ANXA4: variants seen among roughly 807,000 people sequenced by gnomAD.
ANXA4 encodes annexin A4, also known as 35-beta calcimedin.
In ANXA4, 39 loss-of-function variants were observed where a neutral mutation model predicts 49.8. That is an observed-to-expected ratio of 0.78 (90% CI 0.61 to 1.02). ANXA4 has a LOEUF of 1.02. ANXA4 is among the 50% of genes least tolerant of loss of function. ANXA4 has a pLI of 0.00. For missense variants in ANXA4, 360 were observed against 410.1 expected (o/e 0.88, Z 1.05); for synonymous variants, 134 against 152.5 (o/e 0.88, Z 0.89).
intron 2 of ANXA4, among the ~76,000 whole-genome samples, chr2:69,701,527 T>C (rs747727435): frequency 5.3e-5 from 8 of 152,266 alleles, no homozygotes; most frequent in Non-Finnish European, 8.8e-5. Flanking sequence ...TGTTACAGCA[T>C]GTATCAGAAA....
chr2:69,788,401 G>A (rs537357076), intron 3 of ANXA4, among the ~76,000 whole-genome samples: 15 of 152,268 alleles, frequency 9.9e-5, no homozygotes, highest in Admixed American at 3.9e-4. Context: ...TTAGCCAAGC[G>A]TGGTGGCACA....
At chr2:69,807,354 C>T (rs376662960) in intron 5 of ANXA4, among the ~76,000 whole-genome samples, 10 of 152,240 alleles carry the variant, frequency 6.6e-5, no homozygotes, top group African/African-American at 2.2e-4. Context: ...CCCTAGATGA[C>T]GTACCCACTG....
At chr2:69,793,267 T>G (rs574168835) in intron 3 of ANXA4, among the ~76,000 whole-genome samples, 3 of 117,926 alleles carry the variant, frequency 2.5e-5, no homozygotes, top group South Asian at 2.6e-4. Context: ...AAAAAAGCAG[T>G]TTACAACCTT....
chr2:69,731,808 T>C (rs1320917926), intron 3 of ANXA4, among the ~76,000 whole-genome samples: 1 of 152,102 alleles, frequency 6.6e-6, no homozygotes, highest in Admixed American at 6.5e-5. Context: ...ATGATGCAAA[T>C]GATGAACCTC....
At chr2:69,729,106 C>G (rs1332117210) in intron 3 of ANXA4, among the ~76,000 whole-genome samples, 1 of 152,216 alleles carries the variant, frequency 6.6e-6, no homozygotes, top group African/African-American at 2.4e-5. Flanking sequence ...CTCCACCACC[C>G]GGGTTCAAGC....
At chr2:69,710,294 G>C (rs1209290725) in intron 2 of ANXA4, among the ~76,000 whole-genome samples, 1 of 151,906 alleles carries the variant, frequency 6.6e-6, no homozygotes, top group Non-Finnish European at 1.5e-5. Context: ...CCACTTCCAG[G>C]CTTTTTAAAT....
chr2:69,719,663 T>A (rs957097905), intron 2 of ANXA4, among the ~76,000 whole-genome samples: 2 of 152,112 alleles, frequency 1.3e-5, no homozygotes, highest in Non-Finnish European at 2.9e-5. Context: ...GGTCTCGAAC[T>A]CCTGACCTCA....
intron 2 of ANXA4, among the ~76,000 whole-genome samples, chr2:69,653,963 G>A (rs1676345593): frequency 6.6e-6 from 1 of 152,128 alleles, no homozygotes; most frequent in Non-Finnish European, 1.5e-5. Flanking sequence ...ATTTCCTTGA[G>A]CAATGGTTTG....
Position 69,693,212 on chromosome 2 carries a change from C to T in ANXA4, n.767-27562C>T, listed in dbSNP as rs950286121. Among the ~76,000 whole-genome samples, 9 of 152,134 alleles carry T rather than the reference C, an allele frequency of 5.9e-5. No homozygotes were observed. In the East Asian group the frequency reaches 9.6e-4, roughly 16 times the overall value. On this transcript the variant is annotated intron_variant and non_coding_transcript_variant, in intron 2 of 3. Coordinates refer to the ANXA4 transcript ENST00000418066. ...ATTAATAGCTGCCTGCAATGCAGTT[C>T]GGAAGAACATAGAGTTGGTCGGTGC...
At chr2:69,790,877 A>G (rs1301443045) in intron 3 of ANXA4, among the ~76,000 whole-genome samples, 1 of 152,230 alleles carries the variant, frequency 6.6e-6, no homozygotes, top group African/African-American at 2.4e-5. Flanking sequence ...GATGTATGAT[A>G]AGTCTTAAAA....
In ANXA4 at chr2:69,806,567, G is replaced by A. The variant is rs575313355; in HGVS notation, c.306+69G>A. 3.6e-4 allele frequency: 479 copies of A among 1,334,426 alleles called. 2 individuals are homozygous for A. Among genetic ancestry groups the A allele is most frequent in the Non-Finnish European group, 4.6e-4 (428 of 932,760 alleles). 82.7% of individuals were successfully genotyped at this position (1,334,426 alleles called of 1,614,324 possible). A position where few individuals can be genotyped will look rare whatever the true frequency, so the allele number is the denominator to read the frequency against. On this transcript the variant is annotated intron_variant, in intron 5 of 12. Coordinates refer to ENST00000394295, the MANE Select transcript of ANXA4 (RefSeq NM_001153.5). ...CGCTGATGTGCTTTCTTAAGAAACT[G>A]TCACCCAATAAGAAAGACATGGAAG...
chr2:69,681,429 A>G (rs556668183), intron 2 of ANXA4, among the ~76,000 whole-genome samples: 6 of 150,728 alleles, frequency 4.0e-5, no homozygotes, highest in Non-Finnish European at 7.4e-5. Flanking sequence ...CCGTGGTGCA[A>G]TCTCAGCTCA....
chr2:69,680,917 G>A (rs1206424148), intron 2 of ANXA4, among the ~76,000 whole-genome samples: 2 of 152,086 alleles, frequency 1.3e-5, no homozygotes, highest in East Asian at 3.8e-4. Context: ...GTATTTCATT[G>A]AGGATTTTTG....
intron 2 of ANXA4, among the ~76,000 whole-genome samples, chr2:69,695,150 G>GA (rs529916549): frequency 2.6e-4 from 37 of 140,118 alleles, no homozygotes; most frequent in East Asian, 4.1e-4. Context: ...TCTCAAAAAA[G>GA]AAAAAAAAAA....
At chr2:69,782,337 C>A (rs187486756) in intron 2 of ANXA4, among the ~76,000 whole-genome samples, 139 of 152,266 alleles carry the variant, frequency 9.1e-4, no homozygotes, top group Admixed American at 2.5e-3. Flanking sequence ...AGTAAACTAT[C>A]CTGAACAAAG....
chr2:69,808,962 A>C (rs1673576928), intron 6 of ANXA4: 1 of 152,182 alleles, frequency 6.6e-6, no homozygotes, highest in Non-Finnish European at 1.5e-5. Context: ...ACACCTGGCC[A>C]AGAATACTAT....
chr2:69,803,893 T>C (rs912504610), intron 3 of ANXA4, among the ~76,000 whole-genome samples: 16 of 152,062 alleles, frequency 1.1e-4, no homozygotes, highest in African/African-American at 3.9e-4. Flanking sequence ...ACCCCAGCAC[T>C]TTGGGAGGCC....
chr2:69,713,927 T>G (rs1411186501), intron 2 of ANXA4: 1 of 152,262 alleles, frequency 6.6e-6, no homozygotes, highest in African/African-American at 2.4e-5. Context: ...AAGGTCGGAC[T>G]CCCTGCCGTG....
rs1252783543 is a variant in ANXA4, at chr2:69,826,700, G to C, written c.*1185G>C. The C allele has an allele frequency of 7.3e-5, 11 of 151,404 alleles. No individual in the cohort carries two copies. Among genetic ancestry groups the C allele is most frequent in the Non-Finnish European group, 1.3e-4 (9 of 67,974 alleles). 9.4% of individuals were successfully genotyped at this position (151,404 alleles called of 1,614,324 possible). A position where few individuals can be genotyped will look rare whatever the true frequency, so the allele number is the denominator to read the frequency against. On this transcript the variant is annotated 3_prime_UTR_variant, in exon 13 of 13. Coordinates refer to ENST00000394295, the MANE Select transcript of ANXA4 (RefSeq NM_001153.5). ...CTCGGAGGCTGAGTCAGGGAGAACT[G>C]CTTGAACCCAGGAGGCAGGAGGCAA... is the stretch of plus-strand genomic sequence containing the variant.
Sources: gnomAD v4.1 joint callset for allele counts (sites outside exome capture counted in the v4.1 genomes callset) on GRCh38, gnomAD v4.1.1 for gene constraint, MANE v1.5 for transcripts, NCBI Gene and HGNC (gene_info 2026-07-23, HGNC 2026-07-21) for gene names.